Variants in UBAP2 observed in about 807,000 individuals in gnomAD.
UBAP2 encodes the protein ubiquitin associated protein 2, also known as ubiquitin-associated protein 2.
A neutral mutation model predicts 139.6 loss-of-function variants in UBAP2; 75 were observed. The observed-to-expected ratio is 0.54, with a 90% CI of 0.45 to 0.65. UBAP2 has a LOEUF of 0.65. Among genes scored for constraint, UBAP2 ranks in the 30% least tolerant of loss-of-function variants. The pLI is 0.00. For missense variants in UBAP2, 1,368 were observed against 1,369.6 expected (o/e 1.00, Z 0.02); for synonymous variants, 526 against 526.2 (o/e 1.00, Z 0.01).
intron 2 of UBAP2, among the ~76,000 whole-genome samples, chr9:34,002,445 T>C (rs1822797989): frequency 6.8e-6 from 1 of 147,668 alleles, no homozygotes; most frequent in South Asian, 2.1e-4. Context: ...TGGCGCGATA[T>C]CGGCTCACTG....
intron 1 of UBAP2, among the ~76,000 whole-genome samples, chr9:34,034,983 C>G (rs1159468927): frequency 6.6e-6 from 1 of 152,156 alleles, no homozygotes; most frequent in Non-Finnish European, 1.5e-5. Context: ...CCTGAAACTT[C>G]ATGTTCTATC....
intron 16 of UBAP2, among the ~76,000 whole-genome samples, chr9:33,936,346 G>C (rs1413000126): frequency 2.6e-5 from 4 of 152,064 alleles, no homozygotes; most frequent in African/African-American, 4.8e-5. Flanking sequence ...CCAGGCTGGA[G>C]TGCAATGGCG....
chr9:34,020,150 TA>T (rs1174976366), intron 1 of UBAP2, among the ~76,000 whole-genome samples: 1,498 of 127,050 alleles, frequency 0.012, 16 homozygotes, highest in Non-Finnish European at 0.015. Flanking sequence ...ACTCCATTAT[TA>T]AAAAAAAAAA....
At chr9:34,024,076 A>C (rs1825195573) in intron 1 of UBAP2, among the ~76,000 whole-genome samples, 10 of 151,492 alleles carry the variant, frequency 6.6e-5, no homozygotes, top group Admixed American at 6.6e-4. Flanking sequence ...AGCAAATACA[A>C]GGATGGGCGC....
intron 1 of UBAP2, among the ~76,000 whole-genome samples, chr9:34,037,103 C>A (rs1199384143): frequency 6.6e-6 from 1 of 151,626 alleles, no homozygotes; most frequent in East Asian, 1.9e-4. Flanking sequence ...ATTCTCCTGC[C>A]TCGGCCTCCG....
At chr9:33,960,547 G>C in intron 10 of UBAP2, among the ~76,000 whole-genome samples, 1 of 151,972 alleles carries the variant, frequency 6.6e-6, no homozygotes, top group South Asian at 2.1e-4. Flanking sequence ...AGGTTGAGGC[G>C]GGTGTATCAC....
intron 1 of UBAP2, among the ~76,000 whole-genome samples, chr9:34,034,776 GGGA>G (rs1826182426): frequency 6.6e-6 from 1 of 152,128 alleles, no homozygotes; most frequent in Non-Finnish European, 1.5e-5. Context: ...GAGAGGCTGA[GGGA>G]GGAGAATTGC....
At chr9:34,034,753 G>C (rs1826179705) in intron 1 of UBAP2, among the ~76,000 whole-genome samples, 1 of 152,076 alleles carries the variant, frequency 6.6e-6, no homozygotes, top group Non-Finnish European at 1.5e-5. Flanking sequence ...TGAGCCTATA[G>C]TCCCAGCTAC....
At chr9:34,016,298 AG>A (rs1824300677) in intron 2 of UBAP2, among the ~76,000 whole-genome samples, 6 of 102,270 alleles carry the variant, frequency 5.9e-5, no homozygotes, top group African/African-American at 1.6e-4. Context: ...GAGGAGGAAG[AG>A]GAGGAAGAGG....
chr9:33,953,540 A>G (rs1460454633), intron 11 of UBAP2, 66 bp from the exon 12 acceptor site: 3 of 1,487,474 alleles, frequency 2.0e-6, no homozygotes, highest in Non-Finnish European at 2.8e-6. Context: ...GAATGTGAGA[A>G]GTCAATCAAT....
At position 33,963,738 on chromosome 9, in the gene UBAP2, A is replaced by C; in HGVS notation, c.733T>G (p.Tyr245Asp). ...TAAGTATTCATACCTTTGAGTCCAT[A>C]AGAACTTTTGTTTGACAGATCCTGA... The part of the protein sequence containing the change: ...IAQDLSNKSS[Y>D]GLKGAWKNSV... Residue 245 changes from tyrosine (Y) to aspartate (D), a missense_variant, in exon 9 of 29, where the codon TAT becomes GAT. Physicochemically the swap from Tyr to Asp is radical, Grantham distance 160. Transcript: ENST00000379238. The C allele has an allele frequency of 6.2e-7, 1 of 1,608,654 alleles. No homozygotes were observed. Among genetic ancestry groups the C allele is most frequent in the South Asian group, 1.1e-5 (1 of 90,880 alleles).
chr9:34,013,318 G>T (rs1233211516), intron 2 of UBAP2, among the ~76,000 whole-genome samples: 3 of 152,062 alleles, frequency 2.0e-5, no homozygotes, highest in Non-Finnish European at 4.4e-5. Flanking sequence ...GGGAGGCGGA[G>T]CTGGGTGGAT....
rs757515948 is a variant in UBAP2, at chr9:33,943,465, T to G, written c.1670A>C (p.Glu557Ala). The change falls in exon 15 of 29, where the codon GAA becomes GCA. Residue 557 changes from glutamate to alanine, a missense_variant. Glu to Ala is a moderately radical substitution (Grantham distance 107). Transcript: ENST00000379238. ...GCTGATGGGAATCTGATTACTATTT[T>G]CACTGCTTGGAGCTGATCCAAATTC... Reference protein sequence around the residue: ...LSEFGSAPSSENSNQIPISLY... With the variant: ...LSEFGSAPSSANSNQIPISLY... 1 of 1,614,096 alleles carries G rather than the reference T, an allele frequency of 6.2e-7. No homozygotes were observed. Among genetic ancestry groups the G allele is most frequent in the Admixed American group, 1.7e-5 (1 of 60,004 alleles).
chr9:34,006,660 T>A (rs1823248671), intron 2 of UBAP2, among the ~76,000 whole-genome samples: 1 of 151,800 alleles, frequency 6.6e-6, no homozygotes. Flanking sequence ...CCAGTCTGGG[T>A]GACAAAGTGA....
intron 1 of UBAP2, among the ~76,000 whole-genome samples, chr9:34,039,513 ATTC>A (rs1485685959): frequency 6.6e-6 from 1 of 152,174 alleles, no homozygotes. Flanking sequence ...ACTAAGAAAA[ATTC>A]TTCTGCCTTG....
chr9:34,017,330 C>T (rs1824456196), intron 1 of UBAP2, 141 bp from the exon 2 acceptor site: 2 of 471,152 alleles, frequency 4.2e-6, no homozygotes, highest in Non-Finnish European at 7.3e-6. Flanking sequence ...GAGGATTTTA[C>T]ATTTTGCTGG....
intron 10 of UBAP2, among the ~76,000 whole-genome samples, chr9:33,959,266 G>GT (rs1564031058): frequency 6.6e-6 from 1 of 152,156 alleles, no homozygotes; most frequent in Non-Finnish European, 1.5e-5. Flanking sequence ...TGAAGGAGTA[G>GT]TAAGACCCAA....
At chr9:34,046,643 CA>C (rs59971755) in intron 1 of UBAP2, among the ~76,000 whole-genome samples, 30 of 122,316 alleles carry the variant, frequency 2.5e-4, no homozygotes, top group African/African-American at 8.0e-4. Context: ...GACTCCATCT[CA>C]AAAAAAAAAA....
At chr9:33,984,821 C>T (rs564748147) in intron 6 of UBAP2, among the ~76,000 whole-genome samples, 10 of 152,204 alleles carry the variant, frequency 6.6e-5, no homozygotes, top group African/African-American at 2.2e-4. Flanking sequence ...CCAGTTAGAA[C>T]GGCTATTATC....
Sources: allele counts gnomAD v4.1 joint callset (sites outside exome capture counted in the v4.1 genomes callset), GRCh38; gene constraint gnomAD v4.1.1; transcripts MANE v1.5; gene names NCBI Gene and HGNC (gene_info 2026-07-23, HGNC 2026-07-21).